The following TXNRD1 variants were observed in gnomAD, a reference collection of about 807,000 sequenced individuals.
TXNRD1 encodes thioredoxin reductase 1.
TXNRD1 carries 57 observed loss-of-function variants against 80.3 expected under a neutral mutation model. The ratio of observed to expected loss-of-function variants is 0.71; its 90% CI spans 0.57 to 0.89. The LOEUF (loss-of-function observed/expected upper bound fraction) is 0.89, where lower values mean the gene tolerates loss of function less well. TXNRD1 is among the 40% of genes least tolerant of loss of function. The probability of loss-of-function intolerance (pLI) is 0.00; values close to 1 mark genes in which losing one functional copy is unlikely to be tolerated. For synonymous variants in TXNRD1, 291 were observed against 285.2 expected, an observed-to-expected ratio of 1.02 and a Z score of -0.20; for missense variants, 730 against 803.0, an observed-to-expected ratio of 0.91 and a Z score of 1.10.
chr12:104,326,355 G>T lies in TXNRD1; in HGVS notation c.1317G>T (p.Leu439=). 7.6e-6 allele frequency: 12 copies of T among 1,588,506 alleles called. No homozygotes were observed. Among genetic ancestry groups the T allele is most frequent in the Non-Finnish European group, 1.0e-5 (12 of 1,169,534 alleles). Residue 439 remains leucine, a synonymous_variant, in exon 12 of 17, where the codon CTG becomes CTT. Coordinates refer to ENST00000525566, the MANE Select transcript of TXNRD1 (RefSeq NM_001093771.3). ...IIEGEYNTVM[L]AIGRDACTRK... is the part of the protein sequence containing the mutation. ...TATTAATAATTTTTCAGGTGATGCT[G>T]GCAATAGGAAGAGATGCTTGCACAA...
chr12:104,292,672 G>A (rs547041668), intron 4 of TXNRD1, among the ~76,000 whole-genome samples: 3 of 152,214 alleles, frequency 2.0e-5, no homozygotes, highest in South Asian at 4.2e-4. Flanking sequence ...TGGGATTACA[G>A]TGTGAGCCAC....
intron 4 of TXNRD1, among the ~76,000 whole-genome samples, chr12:104,310,428 C>T (rs754303798): frequency 6.6e-5 from 10 of 152,166 alleles, no homozygotes; most frequent in African/African-American, 2.2e-4. Flanking sequence ...GGATTACAGG[C>T]GTGAGCCACT....
At chr12:104,261,126 G>T (rs74399358) in intron 3 of TXNRD1, among the ~76,000 whole-genome samples, 1 of 151,360 alleles carries the variant, frequency 6.6e-6, no homozygotes, top group Non-Finnish European at 1.5e-5. Context: ...CTTTTGTCCC[G>T]GTGGTTCCCC....
chr12:104,349,903 T>A lies in TXNRD1; in HGVS notation c.*1482T>A, dbSNP rs976766317. 1 of 152,586 alleles carries A rather than the reference T, an allele frequency of 6.6e-6. No individual in the cohort carries two copies. The highest frequency in any genetic ancestry group is 1.5e-5 in the Non-Finnish European group (1 of 68,030). 9.5% of individuals were successfully genotyped at this position (152,586 alleles called of 1,614,324 possible). A position where few individuals can be genotyped will look rare whatever the true frequency, so the allele number is the denominator to read the frequency against. ...AGCCCCTGACCGTCCCCCACAGGGCTCTGCCTCACGTCCTCATCTCATTTG... is the reference window on the plus strand; with the variant it reads ...AGCCCCTGACCGTCCCCCACAGGGCACTGCCTCACGTCCTCATCTCATTTG... On this transcript the variant is annotated 3_prime_UTR_variant, in exon 17 of 17. Coordinates refer to ENST00000525566, the MANE Select transcript of TXNRD1 (RefSeq NM_001093771.3).
chr12:104,291,946 A>G (rs2034230547), intron 4 of TXNRD1, among the ~76,000 whole-genome samples: 1 of 152,212 alleles, frequency 6.6e-6, no homozygotes, highest in Non-Finnish European at 1.5e-5. Flanking sequence ...CAGTGGAGAA[A>G]GGCATTTATT....
At chr12:104,335,853 G>A (rs542083194) in intron 15 of TXNRD1, among the ~76,000 whole-genome samples, 20 of 152,302 alleles carry the variant, frequency 1.3e-4, no homozygotes, top group African/African-American at 4.8e-4. Context: ...GCTTTAGGCA[G>A]TAGGACAGTT....
chr12:104,288,909 G>C, intron 3 of TXNRD1, 22 bp from the exon 4 acceptor site: 2 of 1,613,972 alleles, frequency 1.2e-6, no homozygotes, highest in Non-Finnish European at 1.7e-6. Context: ...TACACGCTCC[G>C]CTCTGCTTTT....
At position 104,327,696 on chromosome 12, in the gene TXNRD1, T is replaced by C. The variant is rs765921518; in HGVS notation, c.1542+25T>C. The C allele has an allele frequency of 1.2e-5, 20 of 1,611,368 alleles. No homozygotes were observed. In the South Asian group the frequency reaches 1.4e-4, roughly 12 times the overall value. ...GGTGAGTGTTGTGCTTGTTGCCCATTAGATACTGTTGTCAGTAATACTCCC... is the reference window on the plus strand; with the variant it reads ...GGTGAGTGTTGTGCTTGTTGCCCATCAGATACTGTTGTCAGTAATACTCCC... On this transcript the variant is annotated intron_variant, in intron 13 of 16. Transcript: ENST00000525566.
At chr12:104,308,596 C>G (rs936180264) in intron 4 of TXNRD1, among the ~76,000 whole-genome samples, 9 of 152,044 alleles carry the variant, frequency 5.9e-5, no homozygotes, top group Non-Finnish European at 8.8e-5. Flanking sequence ...TTAACAAGCT[C>G]TTTGGAGTCT....
At chr12:104,331,205 G>A (rs2035936050) in intron 13 of TXNRD1, among the ~76,000 whole-genome samples, 1 of 151,974 alleles carries the variant, frequency 6.6e-6, no homozygotes, top group Admixed American at 6.6e-5. Context: ...TCAGATTTGG[G>A]TACACCAGTA....
chr12:104,283,295 AGGC>A (rs1220438501), intron 3 of TXNRD1, among the ~76,000 whole-genome samples: 8 of 151,964 alleles, frequency 5.3e-5, no homozygotes, highest in Admixed American at 5.2e-4. Flanking sequence ...CTTGTTGTCC[AGGC>A]TGGAGTACAA....
chr12:104,267,241 C>CTCTTTCTTTCTTTCTTTCTTTCTTTCCT (rs2033516376), intron 3 of TXNRD1, among the ~76,000 whole-genome samples: 2 of 85,750 alleles, frequency 2.3e-5, no homozygotes, highest in African/African-American at 4.8e-5. Flanking sequence ...ATTTTCTTTT[C>CTCTTTCTTTCTTTCTTTCTTTCTTTCCT]TCTTTCTTTC....
At position 104,246,255 on chromosome 12, in the gene TXNRD1, G is replaced by A. The variant is rs180903443; in HGVS notation, c.92-5272G>A. ...ATCTTGGCTAACACGGTGAAACCCC[G>A]TCTCTACTAAAAATACAAAAAAATT... On this transcript the variant is annotated intron_variant, in intron 1 of 16. Transcript: ENST00000525566. 3.4e-3 allele frequency among the ~76,000 whole-genome samples: 493 copies of A among 146,338 alleles called. 2 individuals carry two copies. The highest frequency in any genetic ancestry group is 0.012 in the African/African-American group (468 of 39,404).
intron 14 of TXNRD1, among the ~76,000 whole-genome samples, chr12:104,332,515 C>T (rs756258252): frequency 2.0e-5 from 3 of 151,660 alleles, no homozygotes; most frequent in African/African-American, 7.3e-5. Flanking sequence ...TTTGGGAGGC[C>T]GAGGTGGGTG....
intron 3 of TXNRD1, among the ~76,000 whole-genome samples, chr12:104,283,923 G>A (rs557302493): frequency 5.3e-5 from 8 of 152,088 alleles, no homozygotes; most frequent in Non-Finnish European, 1.2e-4. Flanking sequence ...CCTGACTGTG[G>A]CCTGATAATG....
rs1389223381 is a variant in TXNRD1 at position 104,306,978 on chromosome 12, G to A, written c.415-4312G>A. Among the ~76,000 whole-genome samples, 4 of 152,132 alleles carry A rather than the reference G, an allele frequency of 2.6e-5. No individual in the cohort carries two copies. The South Asian group carries it at 6.2e-4, about 24-fold the overall frequency. On this transcript the variant is annotated intron_variant, in intron 4 of 16. Transcript: ENST00000525566. ...AGTATTTGACAGTGATGATTTAAAA[G>A]CATTAATAGAGAATCTGGAGGCTTA...
intron 3 of TXNRD1, among the ~76,000 whole-genome samples, chr12:104,261,847 C>T (rs998694367): frequency 6.6e-6 from 1 of 152,176 alleles, no homozygotes. Context: ...CTCCTGGATT[C>T]AAGCAATTCT....
At chr12:104,314,924 G>A (rs2035271021) in intron 6 of TXNRD1, among the ~76,000 whole-genome samples, 1 of 151,830 alleles carries the variant, frequency 6.6e-6, no homozygotes, top group Non-Finnish European at 1.5e-5. Context: ...TGTGCTTTTA[G>A]TAGAGACAGG....
At chr12:104,243,942 C>G (rs1342526019) in intron 1 of TXNRD1, among the ~76,000 whole-genome samples, 2 of 152,192 alleles carry the variant, frequency 1.3e-5, no homozygotes, top group Non-Finnish European at 2.9e-5. Flanking sequence ...TGAAATGCCA[C>G]TTGGGGATAA....
Sources: allele counts gnomAD v4.1 joint callset (sites outside exome capture counted in the v4.1 genomes callset), GRCh38; gene constraint gnomAD v4.1.1; transcripts MANE v1.5; gene names NCBI Gene and HGNC (gene_info 2026-07-23, HGNC 2026-07-21).